The following SGCZ variants were observed in gnomAD, a reference collection of about 807,000 sequenced individuals.
SGCZ encodes the protein zeta-sarcoglycan.
In SGCZ, 40 loss-of-function variants were observed where a neutral mutation model predicts 41.3. That is an observed-to-expected ratio of 0.97 (90% CI 0.75 to 1.26). The LOEUF (loss-of-function observed/expected upper bound fraction) is 1.26. Ranked by LOEUF, SGCZ falls within the 50% of genes most tolerant of loss-of-function variation. The probability of loss-of-function intolerance (pLI) is 0.00; values close to 1 mark genes in which losing one functional copy is unlikely to be tolerated. For missense variants in SGCZ, 552 were observed against 369.8 expected, an observed-to-expected ratio of 1.49 and a Z score of -4.04; for synonymous variants, 206 against 137.5, an observed-to-expected ratio of 1.50 and a Z score of -3.49.
At chr8:14,194,542 G>A (rs1428028710) in intron 4 of SGCZ, among the ~76,000 whole-genome samples, 1 of 151,734 alleles carries the variant, frequency 6.6e-6, no homozygotes, top group Non-Finnish European at 1.5e-5. Context: ...ATGTTGGCAA[G>A]GCTAGGAATA....
intron 2 of SGCZ, among the ~76,000 whole-genome samples, chr8:14,373,581 T>C (rs1156304303): frequency 6.6e-6 from 1 of 152,086 alleles, no homozygotes; most frequent in South Asian, 2.1e-4. Context: ...TTAAACAAAG[T>C]ATAGTACCCT....
Position 14,193,771 on chromosome 8 carries a change from C to T in SGCZ, c.425-29069G>A, listed in dbSNP as rs115806646. ...TTGTCTGAATGTCTAGCTTGTCACC[C>T]TTGTCCAGTCCAACATGTATTTGTT... On this transcript the variant is annotated intron_variant, in intron 4 of 7. Transcript: ENST00000382080. Among the ~76,000 whole-genome samples the T allele has an allele frequency of 2.6e-3, 391 of 151,734 alleles. 2 individuals are homozygous for T. The highest frequency in any genetic ancestry group is 8.7e-3 in the African/African-American group (363 of 41,492).
At chr8:14,333,597 A>G (rs1802410891) in intron 2 of SGCZ, among the ~76,000 whole-genome samples, 1 of 152,144 alleles carries the variant, frequency 6.6e-6, no homozygotes, top group Non-Finnish European at 1.5e-5. Context: ...TTCATAGTAC[A>G]CATTAGCATA....
chr8:14,946,369 G>A (rs1024591817), intron 1 of SGCZ, among the ~76,000 whole-genome samples: 2 of 151,554 alleles, frequency 1.3e-5, no homozygotes, highest in Non-Finnish European at 2.9e-5. Flanking sequence ...AGAAGGAAAC[G>A]CTGCTCTCCG....
chr8:15,053,324 T>C (rs1455385083), intron 1 of SGCZ, among the ~76,000 whole-genome samples: 1 of 152,148 alleles, frequency 6.6e-6, no homozygotes, highest in African/African-American at 2.4e-5. Context: ...CGTCACTATA[T>C]CTTACTAGAT....
At chr8:15,108,381 G>A (rs955939815) in intron 1 of SGCZ, among the ~76,000 whole-genome samples, 1 of 152,034 alleles carries the variant, frequency 6.6e-6, no homozygotes, top group Admixed American at 6.6e-5. Flanking sequence ...ATGTCCTGAG[G>A]GCTAAAGGGA....
chr8:15,224,320 A>G (rs942325909), intron 1 of SGCZ, among the ~76,000 whole-genome samples: 1 of 152,228 alleles, frequency 6.6e-6, no homozygotes, highest in African/African-American at 2.4e-5. Context: ...TTAAAAACTA[A>G]AAGAAGGGAT....
At chr8:15,149,711 CAAAAAAAAAAAA>C (rs750167614) in intron 1 of SGCZ, among the ~76,000 whole-genome samples, 2,345 of 57,280 alleles carry the variant, frequency 0.041, 73 homozygotes, top group African/African-American at 0.097. Context: ...CTATAAACTA[CAAAAAAAAAAAA>C]AAAAAAAAAG....
intron 1 of SGCZ, among the ~76,000 whole-genome samples, chr8:15,092,519 T>G (rs780600462): frequency 2.6e-5 from 4 of 152,160 alleles, no homozygotes; most frequent in Non-Finnish European, 4.4e-5. Flanking sequence ...AATTTCTCAT[T>G]TACATATTAA....
intron 1 of SGCZ, among the ~76,000 whole-genome samples, chr8:14,663,609 G>A (rs751635995): frequency 6.6e-6 from 1 of 152,050 alleles, no homozygotes; most frequent in African/African-American, 2.4e-5. Context: ...TACTTAAATA[G>A]CATTTAGACC....
chr8:15,032,851 A>G (rs943196490), intron 1 of SGCZ, among the ~76,000 whole-genome samples: 1 of 152,106 alleles, frequency 6.6e-6, no homozygotes, highest in African/African-American at 2.4e-5. Flanking sequence ...CTCTGTGGAT[A>G]CAGGCTCAAA....
intron 1 of SGCZ, among the ~76,000 whole-genome samples, chr8:15,034,222 A>G (rs892267636): frequency 6.6e-6 from 1 of 152,158 alleles, no homozygotes; most frequent in African/African-American, 2.4e-5. Context: ...TGAATAAAAT[A>G]AGGGAAATAA....
intron 1 of SGCZ, among the ~76,000 whole-genome samples, chr8:15,152,266 T>C (rs1346442455): frequency 2.0e-5 from 3 of 152,080 alleles, no homozygotes; most frequent in East Asian, 1.9e-4. Flanking sequence ...GCAGGAATAG[T>C]TAAAACATGA....
At chr8:14,297,466 A>T (rs769341195) in intron 3 of SGCZ, among the ~76,000 whole-genome samples, 27 of 152,046 alleles carry the variant, frequency 1.8e-4, no homozygotes, top group African/African-American at 2.7e-4. Context: ...AAACAGAAGT[A>T]TCTTATTTGA....
chr8:14,726,590 A>G (rs1430436097), intron 1 of SGCZ, among the ~76,000 whole-genome samples: 3 of 151,994 alleles, frequency 2.0e-5, no homozygotes, highest in African/African-American at 4.8e-5. Flanking sequence ...AACTCAACCA[A>G]TAAAAATAAA....
intron 1 of SGCZ, among the ~76,000 whole-genome samples, chr8:15,108,385 A>G (rs1806913756): frequency 6.6e-6 from 1 of 152,178 alleles, no homozygotes; most frequent in Admixed American, 6.5e-5. Context: ...CCTGAGGGCT[A>G]AAGGGAATAA....
chr8:14,692,311 T>C (rs1434208987), intron 1 of SGCZ, among the ~76,000 whole-genome samples: 3 of 152,026 alleles, frequency 2.0e-5, no homozygotes, highest in Admixed American at 6.5e-5. Flanking sequence ...ATTATAGATA[T>C]TGTTTAGGAA....
intron 1 of SGCZ, among the ~76,000 whole-genome samples, chr8:15,114,440 T>A (rs1807190086): frequency 6.6e-6 from 1 of 152,226 alleles, no homozygotes; most frequent in Non-Finnish European, 1.5e-5. Context: ...TTAAAATGTA[T>A]AAGGCATTCT....
intron 2 of SGCZ, among the ~76,000 whole-genome samples, chr8:14,375,968 T>C (rs1302826432): frequency 1.3e-5 from 2 of 152,162 alleles, no homozygotes; most frequent in Admixed American, 1.3e-4. Context: ...TATAACTTAA[T>C]GTATTCAGGT....
Sources: gnomAD v4.1 joint callset for allele counts (sites outside exome capture counted in the v4.1 genomes callset) on GRCh38, gnomAD v4.1.1 for gene constraint, MANE v1.5 for transcripts, NCBI Gene and HGNC (gene_info 2026-07-23, HGNC 2026-07-21) for gene names.